The following CCSER1 variants were observed in gnomAD, a reference collection of about 807,000 sequenced individuals.
CCSER1 encodes coiled-coil serine rich protein 1.
Under a neutral mutation model 82.0 loss-of-function variants are expected in CCSER1, and 41 were observed. That is an observed-to-expected ratio of 0.50 (90% confidence interval 0.39 to 0.65). CCSER1 has a LOEUF of 0.65. CCSER1 is among the 30% of genes least tolerant of loss of function. The pLI, the probability that CCSER1 is intolerant of heterozygous loss-of-function variation, is 0.00. For missense variants in CCSER1, 1,119 were observed against 1,064.2 expected, an observed-to-expected ratio of 1.05 and a Z score of -0.72; for synonymous variants, 414 against 383.9, an observed-to-expected ratio of 1.08 and a Z score of -0.92.
chr4:91,355,020 G>T (rs994353917), intron 10 of CCSER1, among the ~76,000 whole-genome samples: 1 of 152,050 alleles, frequency 6.6e-6, no homozygotes, highest in South Asian at 2.1e-4. Context: ...ATTTTATTTT[G>T]GGTCTGAGGG....
At chr4:91,114,588 C>T (rs753702552) in intron 10 of CCSER1, among the ~76,000 whole-genome samples, 1 of 152,136 alleles carries the variant, frequency 6.6e-6, no homozygotes, top group Admixed American at 6.5e-5. Flanking sequence ...GGTGCTTAGG[C>T]CTGAATGCGT....
At chr4:90,857,686 AAT>A (rs776793545) in intron 8 of CCSER1, among the ~76,000 whole-genome samples, 2 of 151,998 alleles carry the variant, frequency 1.3e-5, no homozygotes, top group Non-Finnish European at 2.9e-5. Flanking sequence ...CCAACCATGG[AAT>A]ATATATTTTT....
At chr4:91,551,343 T>A (rs1326976257) in intron 10 of CCSER1, among the ~76,000 whole-genome samples, 2 of 152,126 alleles carry the variant, frequency 1.3e-5, no homozygotes, top group African/African-American at 4.8e-5. Context: ...CAGTGAGCTA[T>A]GAATTACTCT....
At chr4:90,301,996 T>A (rs1403496752) in intron 1 of CCSER1, among the ~76,000 whole-genome samples, 4 of 152,182 alleles carry the variant, frequency 2.6e-5, no homozygotes, top group African/African-American at 9.7e-5. Context: ...ATTGAACTTT[T>A]TACAGTTTGG....
intron 9 of CCSER1, among the ~76,000 whole-genome samples, chr4:91,032,063 C>G (rs1266509769): frequency 6.6e-6 from 1 of 151,846 alleles, no homozygotes; most frequent in Non-Finnish European, 1.5e-5. Context: ...GCACTATATT[C>G]TAGAACAGTA....
intron 4 of CCSER1, among the ~76,000 whole-genome samples, chr4:90,443,269 A>G (rs534504369): frequency 1.3e-5 from 2 of 152,248 alleles, no homozygotes; most frequent in African/African-American, 2.4e-5. Context: ...TCTCTTTGGT[A>G]TATCTGAATT....
intron 8 of CCSER1, among the ~76,000 whole-genome samples, chr4:90,894,184 G>A (rs1195800564): frequency 1.3e-5 from 2 of 151,910 alleles, no homozygotes; most frequent in Non-Finnish European, 1.5e-5. Flanking sequence ...AAATAACATA[G>A]TGAGACCAGA....
intron 5 of CCSER1, among the ~76,000 whole-genome samples, chr4:90,589,568 T>A (rs1256304607): frequency 6.6e-6 from 1 of 152,176 alleles, no homozygotes; most frequent in Non-Finnish European, 1.5e-5. Flanking sequence ...TATATTATGA[T>A]GAAGACTTAC....
chr4:91,052,931 T>C lies in CCSER1; in HGVS notation c.2173-33019T>C, dbSNP rs1743131817. ...ATAAGAATAGCCTGTTTACATAGCT[T>C]AAAGTATTTAAAGTGTAGTAAATTG... is the stretch of plus-strand genomic sequence containing the variant. On this transcript the variant is annotated intron_variant, in intron 9 of 10. Coordinates refer to ENST00000509176, the MANE Select transcript of CCSER1 (RefSeq NM_001145065.2). 4.6e-5 allele frequency among the ~76,000 whole-genome samples: 7 copies of C among 152,200 alleles called. No individual in the cohort carries two copies. In the South Asian group the frequency reaches 1.5e-3, roughly 32 times the overall value.
intron 8 of CCSER1, among the ~76,000 whole-genome samples, chr4:90,878,130 A>C (rs140781295): frequency 2.2e-4 from 34 of 152,208 alleles, no homozygotes; most frequent in African/African-American, 8.2e-4. Context: ...ACTTTTATGG[A>C]CTATTTATCC....
At chr4:91,486,187 T>G (rs540056889) in intron 10 of CCSER1, among the ~76,000 whole-genome samples, 1 of 151,906 alleles carries the variant, frequency 6.6e-6, no homozygotes, top group South Asian at 2.1e-4. Flanking sequence ...TATTTAAAAA[T>G]ATATTTGTTA....
intron 1 of CCSER1, among the ~76,000 whole-genome samples, chr4:90,159,952 A>G (rs750090509): frequency 2.0e-5 from 3 of 152,250 alleles, no homozygotes; most frequent in Non-Finnish European, 4.4e-5. Context: ...TACTTACAAC[A>G]TGACTTTTCA....
At chr4:90,793,776 A>G (rs760572880) in intron 7 of CCSER1, among the ~76,000 whole-genome samples, 2 of 152,000 alleles carry the variant, frequency 1.3e-5, no homozygotes, top group South Asian at 2.1e-4. Context: ...ACTAATTTAC[A>G]CTCCCACCAA....
chr4:90,586,322 AG>A (rs1782019600), intron 5 of CCSER1, among the ~76,000 whole-genome samples: 1 of 152,160 alleles, frequency 6.6e-6, no homozygotes, highest in African/African-American at 2.4e-5. Context: ...TGGTGCCAAA[AG>A]ATTGGGGACT....
At chr4:90,485,497 C>T (rs889855228) in intron 5 of CCSER1, among the ~76,000 whole-genome samples, 1 of 150,694 alleles carries the variant, frequency 6.6e-6, no homozygotes, top group Non-Finnish European at 1.5e-5. Flanking sequence ...GGAGCTGTTC[C>T]TATTCGGCCA....
chr4:90,537,245 T>G (rs1775522286), intron 5 of CCSER1, among the ~76,000 whole-genome samples: 1 of 152,182 alleles, frequency 6.6e-6, no homozygotes, highest in East Asian at 1.9e-4. Flanking sequence ...GTTAATATTT[T>G]ATAATTTAAA....
At chr4:90,780,077 A>G (rs1436781963) in intron 7 of CCSER1, among the ~76,000 whole-genome samples, 3 of 152,208 alleles carry the variant, frequency 2.0e-5, no homozygotes, top group Non-Finnish European at 4.4e-5. Context: ...TCAGCCACTT[A>G]TAAGTAGGTA....
chr4:90,958,777 C>A (rs1379261194), intron 9 of CCSER1, among the ~76,000 whole-genome samples: 1 of 152,170 alleles, frequency 6.6e-6, no homozygotes, highest in East Asian at 1.9e-4. Context: ...AGACACTGAT[C>A]TTGGACTTCC....
chr4:91,381,727 CCTT>C (rs1200642873), intron 10 of CCSER1, among the ~76,000 whole-genome samples: 1 of 152,152 alleles, frequency 6.6e-6, no homozygotes, highest in Admixed American at 6.5e-5. Context: ...TTGTCTGAAG[CCTT>C]CTTCTCTCAA....
Sources: allele counts gnomAD v4.1 joint callset (sites outside exome capture counted in the v4.1 genomes callset), GRCh38; gene constraint gnomAD v4.1.1; transcripts MANE v1.5; gene names NCBI Gene and HGNC (gene_info 2026-07-23, HGNC 2026-07-21).